The following RAB27A variants were observed in gnomAD, a reference collection of about 807,000 sequenced individuals.
RAB27A encodes ras-related protein Rab-27A.
A neutral mutation model predicts 20.8 loss-of-function variants in RAB27A; 17 were observed. The observed-to-expected ratio is 0.82, with a 90% CI of 0.56 to 1.23. The LOEUF (loss-of-function observed/expected upper bound fraction) is 1.23. Among genes scored for constraint, RAB27A ranks in the 50% most tolerant of loss-of-function variants. RAB27A has a pLI of 0.00. For synonymous variants in RAB27A, 85 were observed against 92.8 expected, an observed-to-expected ratio of 0.92 and a Z score of 0.48; for missense variants, 277 against 266.7, an observed-to-expected ratio of 1.04 and a Z score of -0.27.
rs796322829 is a variant in RAB27A at position 55,306,428 on chromosome 15, G to C, written c.-112+7611C>G. On this transcript the variant is annotated intron_variant, in intron 2 of 5. Transcript: ENST00000563262. ...GGTACGGAGGGTTTCATGTAGTTTT[G>C]AGAGATCTAGTCCTTTGTAGGGGCT... 1.2e-4 allele frequency among the ~76,000 whole-genome samples: 18 copies of C among 152,282 alleles called. 1 individual carries two copies. Among genetic ancestry groups the C allele is most frequent in the African/African-American group, 4.3e-4 (18 of 41,558 alleles).
At chr15:55,272,110 C>T (rs932862073) in intron 1 of RAB27A, among the ~76,000 whole-genome samples, 1 of 152,188 alleles carries the variant, frequency 6.6e-6, no homozygotes, top group Non-Finnish European at 1.5e-5. Context: ...CATATTAGCA[C>T]TTCTCAACCA....
chr15:55,314,482 G>A (rs2055035123), intron 1 of RAB27A, among the ~76,000 whole-genome samples: 1 of 152,120 alleles, frequency 6.6e-6, no homozygotes, highest in South Asian at 2.1e-4. Flanking sequence ...AAGTCAAATT[G>A]TCTCTGCAGA....
At chr15:55,266,722 G>A (rs1897501122) in intron 2 of RAB27A, among the ~76,000 whole-genome samples, 1 of 152,154 alleles carries the variant, frequency 6.6e-6, no homozygotes, top group African/African-American at 2.4e-5. Flanking sequence ...CCAATGCACA[G>A]AAAGGTTAAT....
At chr15:55,223,195 C>G (rs1447564134) in intron 6 of RAB27A, among the ~76,000 whole-genome samples, 1 of 152,112 alleles carries the variant, frequency 6.6e-6, no homozygotes, top group African/African-American at 2.4e-5. Flanking sequence ...TACAATAGTA[C>G]ATGAAGTGGC....
chr15:55,248,853 C>A (rs979079242), intron 2 of RAB27A: 3 of 152,028 alleles, frequency 2.0e-5, no homozygotes, highest in African/African-American at 7.2e-5. Context: ...TGGTATTTGT[C>A]AAGTCTACTG....
chr15:55,236,214 T>C (rs1351330888), intron 2 of RAB27A, among the ~76,000 whole-genome samples: 1 of 152,176 alleles, frequency 6.6e-6, no homozygotes, highest in Non-Finnish European at 1.5e-5. Context: ...CCTTGCCTTT[T>C]CTCTCTTTTT....
chr15:55,256,068 G>A (rs970019931), intron 2 of RAB27A, among the ~76,000 whole-genome samples: 1 of 152,102 alleles, frequency 6.6e-6, no homozygotes, highest in Admixed American at 6.5e-5. Context: ...AAACTACTGG[G>A]TACATGTAAG....
At chr15:55,315,895 A>C (rs1299133099) in intron 1 of RAB27A, among the ~76,000 whole-genome samples, 1 of 152,208 alleles carries the variant, frequency 6.6e-6, no homozygotes, top group Middle Eastern at 3.2e-3. Context: ...CAGCAATCCC[A>C]TTACTGGGTA....
At chr15:55,248,601 C>T (rs750408252) in intron 2 of RAB27A, among the ~76,000 whole-genome samples, 20 of 152,260 alleles carry the variant, frequency 1.3e-4, no homozygotes, top group Non-Finnish European at 1.2e-4. Context: ...GTTTTGGTTT[C>T]ACCATAATGT....
At chr15:55,261,142 T>TA (rs147799903) in intron 2 of RAB27A, among the ~76,000 whole-genome samples, 2,160 of 152,216 alleles carry the variant, frequency 0.014, 70 homozygotes, top group African/African-American at 0.05. Context: ...TGGTGGCCTG[T>TA]AATCCCAGCA....
chr15:55,268,703 C>A (rs1897597327), intron 2 of RAB27A, among the ~76,000 whole-genome samples: 1 of 152,226 alleles, frequency 6.6e-6, no homozygotes, highest in Non-Finnish European at 1.5e-5. Flanking sequence ...CAAAATCCAG[C>A]CCAGTCCAGG....
At chr15:55,257,240 A>G (rs59829568) in intron 2 of RAB27A, among the ~76,000 whole-genome samples, 9,957 of 152,260 alleles carry the variant, frequency 0.065, 1,127 homozygotes, top group African/African-American at 0.23. Flanking sequence ...CAGGTTCAGC[A>G]TGAGAGATCA....
intron 2 of RAB27A, among the ~76,000 whole-genome samples, chr15:55,241,626 G>GTATATATATATATATATATA (rs1353888326): frequency 4.7e-5 from 5 of 107,276 alleles, no homozygotes; most frequent in African/African-American, 3.0e-4. Context: ...ATATATATAT[G>GTATATATATATATATATATA]TGTGTATATA....
chr15:55,234,955 A>G lies in RAB27A; in HGVS notation c.-21T>C, dbSNP rs376429874. Reference sequence around the variant, plus strand: ...GACATAATGAAGAACTCAGTAGTTCACCTGTAAAATACACACAAAATTTTT... The same window carrying G: ...GACATAATGAAGAACTCAGTAGTTCGCCTGTAAAATACACACAAAATTTTT... On this transcript the variant is annotated splice_region_variant and 5_prime_UTR_variant, in exon 3 of 7. Transcript: ENST00000336787. 4 of 1,603,774 alleles carry G rather than the reference A, an allele frequency of 2.5e-6. No homozygotes were observed. Among genetic ancestry groups the G allele is most frequent in the Non-Finnish European group, 3.4e-6 (4 of 1,174,566 alleles).
intron 6 of RAB27A, among the ~76,000 whole-genome samples, chr15:55,221,043 C>A (rs967231610): frequency 3.9e-5 from 6 of 152,140 alleles, no homozygotes; most frequent in African/African-American, 1.4e-4. Context: ...ACCATCGTGA[C>A]CTGGGCACAG....
At chr15:55,225,078 T>C (rs1346247160) in intron 5 of RAB27A, among the ~76,000 whole-genome samples, 1 of 152,222 alleles carries the variant, frequency 6.6e-6, no homozygotes, top group African/African-American at 2.4e-5. Context: ...GCCCTTTCTT[T>C]CCTCCAGGTT....
intron 1 of RAB27A, chr15:55,317,241 G>T (rs2055052551): frequency 6.6e-6 from 1 of 152,490 alleles, no homozygotes; most frequent in Non-Finnish European, 1.5e-5. Flanking sequence ...GTTTTTGCTA[G>T]ATTAGAGTTA....
At chr15:55,211,371 T>C (rs1473990621) in intron 6 of RAB27A, among the ~76,000 whole-genome samples, 1 of 152,194 alleles carries the variant, frequency 6.6e-6, no homozygotes, top group Non-Finnish European at 1.5e-5. Context: ...CAATATTAAT[T>C]ATTCCAGTCC....
intron 5 of RAB27A, among the ~76,000 whole-genome samples, chr15:55,226,447 C>T (rs916759856): frequency 3.3e-5 from 5 of 152,108 alleles, no homozygotes; most frequent in African/African-American, 9.7e-5. Context: ...TCAGGGCCCA[C>T]GAGTCAGCTA....
Sources: allele counts gnomAD v4.1 joint callset (sites outside exome capture counted in the v4.1 genomes callset), GRCh38; gene constraint gnomAD v4.1.1; transcripts MANE v1.5; gene names NCBI Gene and HGNC (gene_info 2026-07-23, HGNC 2026-07-21).